Variants in RGS6 observed in about 807,000 individuals in gnomAD.
RGS6 encodes the protein regulator of G protein signaling 6, also known as regulator of G-protein signaling 6.
In RGS6, 30 loss-of-function variants were observed where a neutral mutation model predicts 78.5. The observed-to-expected ratio is 0.38, with a 90% CI of 0.29 to 0.52. The LOEUF is 0.52. RGS6 is among the 20% of genes least tolerant of loss of function. RGS6 has a pLI of 0.85. For missense variants in RGS6, 495 were observed against 609.7 expected, an observed-to-expected ratio of 0.81 and a Z score of 1.98; for synonymous variants, 206 against 206.0, an observed-to-expected ratio of 1.00 and a Z score of 0.00.
At chr14:72,294,513 C>G (rs1022963739) in intron 2 of RGS6, among the ~76,000 whole-genome samples, 1 of 152,188 alleles carries the variant, frequency 6.6e-6, no homozygotes, top group Non-Finnish European at 1.5e-5. Flanking sequence ...TGAGTCCATT[C>G]TCACATTGCT....
chr14:72,470,122 G>C, intron 8 of RGS6, 39 bp downstream of exon 8: 1 of 1,477,680 alleles, frequency 6.8e-7, no homozygotes, highest in Non-Finnish European at 9.4e-7. Flanking sequence ...GAGAGGAAAA[G>C]ACTCTGGAAT....
At chr14:71,890,981 T>C in the RGS6 span, among the ~76,000 whole-genome samples, 1 of 151,888 alleles carries the variant, frequency 6.6e-6, no homozygotes, top group African/African-American at 2.4e-5. Context: ...GATTCTAGAG[T>C]GAAGGGGTGA....
intron 2 of RGS6, among the ~76,000 whole-genome samples, chr14:72,232,883 G>T (rs2050011611): frequency 6.6e-6 from 1 of 152,192 alleles, no homozygotes; most frequent in Non-Finnish European, 1.5e-5. Flanking sequence ...GGAGGGCCTG[G>T]CAAGCCTGAG....
chr14:72,288,552 T>G (rs2063007355), intron 2 of RGS6, among the ~76,000 whole-genome samples: 1 of 152,102 alleles, frequency 6.6e-6, no homozygotes, highest in African/African-American at 2.4e-5. Context: ...AGAGGAAAGA[T>G]GATAGCACAG....
intron 3 of RGS6, among the ~76,000 whole-genome samples, chr14:72,449,487 AAATTCTACAATT>A (rs2095442296): frequency 6.6e-6 from 1 of 152,184 alleles, no homozygotes; most frequent in Non-Finnish European, 1.5e-5. Flanking sequence ...TATCCCTGTC[AAATTCTACAATT>A]TTGGAGGAGC....
the RGS6 span, among the ~76,000 whole-genome samples, chr14:71,909,264 T>C: frequency 6.6e-6 from 1 of 152,170 alleles, no homozygotes; most frequent in African/African-American, 2.4e-5. Flanking sequence ...TCAATTCTTT[T>C]ACTGTGCTCT....
At chr14:72,473,604 T>G (rs948913586) in intron 9 of RGS6, among the ~76,000 whole-genome samples, 1 of 152,234 alleles carries the variant, frequency 6.6e-6, no homozygotes, top group Admixed American at 6.5e-5. Flanking sequence ...AACTATTCTC[T>G]GTCGAATACG....
At chr14:72,085,470 C>CCAGA (rs2094990868) in intron 2 of RGS6, among the ~76,000 whole-genome samples, 1 of 152,018 alleles carries the variant, frequency 6.6e-6, no homozygotes, top group South Asian at 2.1e-4. Context: ...GGGTCCCAGC[C>CCAGA]CAGAGATTTG....
At chr14:72,406,067 C>T (rs963567173) in intron 3 of RGS6, among the ~76,000 whole-genome samples, 1 of 152,128 alleles carries the variant, frequency 6.6e-6, no homozygotes. Flanking sequence ...ATCCAGTCAC[C>T]TGGAGGAAAG....
chr14:72,017,246 A>T (rs543769463), intron 2 of RGS6, among the ~76,000 whole-genome samples: 1 of 152,148 alleles, frequency 6.6e-6, no homozygotes, highest in Non-Finnish European at 1.5e-5. Flanking sequence ...TGTCAATGAT[A>T]TCTTTTTATT....
At chr14:72,433,735 C>G (rs571961421) in intron 3 of RGS6, among the ~76,000 whole-genome samples, 3 of 152,026 alleles carry the variant, frequency 2.0e-5, no homozygotes, top group Non-Finnish European at 4.4e-5. Flanking sequence ...GCCAAACTCT[C>G]GGTTTGCATC....
rs1162008249 is a variant in RGS6, at chr14:72,103,442, C to A, written c.84+138567C>A. Reference sequence around the variant, plus strand: ...AATTTTAGCCAACTTCTTGAAAACACAGGAGGAAAACAACAACTTTCATTA... The same window carrying A: ...AATTTTAGCCAACTTCTTGAAAACAAAGGAGGAAAACAACAACTTTCATTA... On this transcript the variant is annotated intron_variant, in intron 2 of 17. Coordinates refer to ENST00000553525, the MANE Select transcript of RGS6 (RefSeq NM_001204424.2). Among the ~76,000 whole-genome samples the A allele has an allele frequency of 2.6e-5, 4 of 152,294 alleles. No homozygotes were observed. The East Asian group carries it at 5.8e-4, about 22-fold the overall frequency.
chr14:72,133,939 C>T lies in RGS6; in HGVS notation c.84+169064C>T, dbSNP rs376984188. Reference sequence around the variant, plus strand: ...TGGTCTAGACTTCATTGACATGGTTCCTCCATGGAAGATCATAATACTGTT... The same window carrying T: ...TGGTCTAGACTTCATTGACATGGTTTCTCCATGGAAGATCATAATACTGTT... On this transcript the variant is annotated intron_variant, in intron 2 of 17. Transcript: ENST00000553525. Among the ~76,000 whole-genome samples, 59 of 152,266 alleles carry T rather than the reference C, an allele frequency of 3.9e-4. 2 individuals are homozygous for T. The South Asian group carries it at 8.3e-3, about 21-fold the overall frequency.
chr14:72,132,302 A>G (rs1309995232), intron 2 of RGS6, among the ~76,000 whole-genome samples: 1 of 143,128 alleles, frequency 7.0e-6, no homozygotes, highest in African/African-American at 2.6e-5. Flanking sequence ...TTTTAGGTGG[A>G]GTCTCACTCT....
In RGS6 at chr14:71,964,786, C is replaced by T; in HGVS notation, c.-6C>T. 1 of 1,611,728 alleles carries T rather than the reference C, an allele frequency of 6.2e-7. No individual in the cohort carries two copies. Among genetic ancestry groups the T allele is most frequent in the African/African-American group, 1.3e-5 (1 of 74,922 alleles). On this transcript the variant is annotated 5_prime_UTR_variant, in exon 2 of 18. Coordinates refer to ENST00000553525, the MANE Select transcript of RGS6 (RefSeq NM_001204424.2). ...TATTTTTGCAGTGTGAGTGAAGACA[C>T]TCAGGATGGCTCAAGGATCCGGGGA...
intron 2 of RGS6, among the ~76,000 whole-genome samples, chr14:72,324,270 T>C (rs1297325283): frequency 6.6e-6 from 1 of 152,164 alleles, no homozygotes; most frequent in Non-Finnish European, 1.5e-5. Context: ...TTGAAACAAC[T>C]GAATACCTCT....
At chr14:72,486,461 A>C (rs1324829587) in intron 12 of RGS6, among the ~76,000 whole-genome samples, 1 of 152,024 alleles carries the variant, frequency 6.6e-6, no homozygotes, top group Non-Finnish European at 1.5e-5. Context: ...CTCAGGAGAC[A>C]AGCAGAAGTG....
intron 12 of RGS6, among the ~76,000 whole-genome samples, chr14:72,483,219 A>G (rs1291819839): frequency 6.6e-6 from 1 of 152,144 alleles, no homozygotes; most frequent in Non-Finnish European, 1.5e-5. Context: ...GATTCCCCAG[A>G]GACTTCTCCC....
At chr14:72,072,572 G>T (rs1274481541) in intron 2 of RGS6, among the ~76,000 whole-genome samples, 1 of 152,120 alleles carries the variant, frequency 6.6e-6, no homozygotes, top group East Asian at 1.9e-4. Flanking sequence ...GCCTCCCAAA[G>T]TGCTGGGATT....
Sources: gnomAD v4.1 joint callset for allele counts (sites outside exome capture counted in the v4.1 genomes callset) on GRCh38, gnomAD v4.1.1 for gene constraint, MANE v1.5 for transcripts, NCBI Gene and HGNC (gene_info 2026-07-23, HGNC 2026-07-21) for gene names.